The following ADGRL3 variants were observed in gnomAD, a reference collection of about 807,000 sequenced individuals.
The protein encoded by ADGRL3 is calcium-independent alpha-latrotoxin receptor 3.
A neutral mutation model predicts 153.5 loss-of-function variants in ADGRL3; 62 were observed. The ratio of observed to expected loss-of-function variants is 0.40; its 90% CI spans 0.33 to 0.50. ADGRL3 has a LOEUF of 0.50. Ranked by LOEUF, ADGRL3 falls within the 20% of genes least tolerant of loss-of-function variation. The pLI is 0.47. For synonymous variants in ADGRL3, 710 were observed against 672.5 expected (o/e 1.06, Z -0.86); for missense variants, 1,641 against 1,859.4 (o/e 0.88, Z 2.16).
intron 17 of ADGRL3, among the ~76,000 whole-genome samples, chr4:61,957,483 C>T (rs1191438988): frequency 1.3e-5 from 2 of 151,866 alleles, no homozygotes; most frequent in African/African-American, 4.8e-5. Context: ...TAAGTAATCT[C>T]TCTATATAAA....
chr4:61,571,299 A>T (rs2098837537), intron 4 of ADGRL3, among the ~76,000 whole-genome samples: 1 of 148,286 alleles, frequency 6.7e-6, no homozygotes, highest in Non-Finnish European at 1.5e-5. Flanking sequence ...ACATGACAAG[A>T]CCCTGTCTCA....
intron 1 of ADGRL3, among the ~76,000 whole-genome samples, chr4:61,369,800 A>C (rs1156964397): frequency 6.6e-6 from 1 of 152,108 alleles, no homozygotes; most frequent in Admixed American, 6.5e-5. Context: ...TTTCAGAAGG[A>C]ATGGTACCAG....
intron 25 of ADGRL3, among the ~76,000 whole-genome samples, chr4:62,056,254 G>A (rs1582090988): frequency 6.6e-6 from 1 of 151,688 alleles, no homozygotes; most frequent in East Asian, 1.9e-4. Context: ...CAATCTTAAG[G>A]TCAATTAGGT....
Position 61,235,429 on chromosome 4 carries a change from A to G in ADGRL3, c.-240+33664A>G, listed in dbSNP as rs566516181. 5.3e-5 allele frequency among the ~76,000 whole-genome samples: 8 copies of G among 152,318 alleles called. No individual in the cohort carries two copies. In the East Asian group the frequency reaches 7.7e-4, roughly 15 times the overall value. ...ATAAGCTTTACAAATTATAATGTTTATAGTTCAGAATGATACTGTAGTGTA... is the reference window on the plus strand; with the variant it reads ...ATAAGCTTTACAAATTATAATGTTTGTAGTTCAGAATGATACTGTAGTGTA... On this transcript the variant is annotated intron_variant, in intron 1 of 26. Coordinates refer to ENST00000683033, the MANE Select transcript of ADGRL3 (RefSeq NM_001387552.1).
intron 1 of ADGRL3, among the ~76,000 whole-genome samples, chr4:61,357,546 C>T (rs1028349126): frequency 4.6e-5 from 7 of 152,058 alleles, no homozygotes; most frequent in South Asian, 2.1e-4. Context: ...AATATTCCTA[C>T]GTTGGCTTCC....
intron 1 of ADGRL3, among the ~76,000 whole-genome samples, chr4:61,270,596 G>C (rs1319183721): frequency 1.3e-5 from 2 of 151,820 alleles, no homozygotes; most frequent in Non-Finnish European, 2.9e-5. Flanking sequence ...CGATACATTA[G>C]AGGAAAGAAG....
chr4:61,507,487 C>T (rs1327749908), intron 3 of ADGRL3, among the ~76,000 whole-genome samples: 1 of 152,134 alleles, frequency 6.6e-6, no homozygotes, highest in Non-Finnish European at 1.5e-5. Flanking sequence ...GACATTTGAG[C>T]CTGTTAACAT....
intron 1 of ADGRL3, among the ~76,000 whole-genome samples, chr4:61,296,249 G>A (rs887259626): frequency 2.0e-5 from 3 of 152,160 alleles, no homozygotes; most frequent in Non-Finnish European, 4.4e-5. Context: ...GTGTCGGAGT[G>A]CAGCGATGAA....
intron 1 of ADGRL3, among the ~76,000 whole-genome samples, chr4:61,278,954 C>T (rs1442584977): frequency 2.0e-5 from 3 of 152,288 alleles, no homozygotes; most frequent in Admixed American, 1.3e-4. Flanking sequence ...GGCATGCCAA[C>T]GCTTAATTCA....
intron 9 of ADGRL3, among the ~76,000 whole-genome samples, chr4:61,871,676 G>T: frequency 6.6e-6 from 1 of 152,086 alleles, no homozygotes; most frequent in Admixed American, 6.6e-5. Context: ...GTTATAAAAT[G>T]TTCTAAAATT....
intron 2 of ADGRL3, among the ~76,000 whole-genome samples, chr4:61,407,701 G>T (rs1308635600): frequency 2.6e-5 from 4 of 152,152 alleles, no homozygotes. Flanking sequence ...CAAGAGACGA[G>T]GGAGACTGCA....
At chr4:61,368,302 C>T (rs561894103) in intron 1 of ADGRL3, among the ~76,000 whole-genome samples, 10 of 152,266 alleles carry the variant, frequency 6.6e-5, no homozygotes, top group Non-Finnish European at 1.3e-4. Context: ...AGTCCTTGCC[C>T]ATGCCTATGT....
chr4:61,247,691 A>G (rs1309589892), intron 1 of ADGRL3, among the ~76,000 whole-genome samples: 1 of 152,080 alleles, frequency 6.6e-6, no homozygotes, highest in East Asian at 1.9e-4. Context: ...TGTATTCTAC[A>G]TATTTTACAT....
chr4:61,857,658 T>C (rs1213216738), intron 9 of ADGRL3, among the ~76,000 whole-genome samples: 1 of 149,008 alleles, frequency 6.7e-6, no homozygotes, highest in Non-Finnish European at 1.5e-5. Context: ...CTTCCTTCCT[T>C]CCTTCTTTCT....
intron 6 of ADGRL3, among the ~76,000 whole-genome samples, chr4:61,714,642 A>G (rs1441804075): frequency 1.3e-5 from 2 of 152,002 alleles, no homozygotes; most frequent in Admixed American, 1.3e-4. Flanking sequence ...ATTGTCCTCA[A>G]GCACTGGGGA....
At chr4:61,639,652 G>A (rs951701148) in intron 5 of ADGRL3, among the ~76,000 whole-genome samples, 2 of 152,102 alleles carry the variant, frequency 1.3e-5, no homozygotes, top group Non-Finnish European at 2.9e-5. Context: ...CTTTACTGAA[G>A]CAACTGTATA....
At chr4:61,753,502 A>G (rs76732814) in intron 8 of ADGRL3, among the ~76,000 whole-genome samples, 13,213 of 152,208 alleles carry the variant, frequency 0.087, 1,215 homozygotes, top group African/African-American at 0.23. Flanking sequence ...TATTCCTAAC[A>G]AGAACCTGAG....
intron 2 of ADGRL3, among the ~76,000 whole-genome samples, chr4:61,434,864 C>A (rs1384554631): frequency 2.6e-5 from 4 of 151,994 alleles, no homozygotes; most frequent in Non-Finnish European, 5.9e-5. Flanking sequence ...TAAAGATGTA[C>A]ATCTCATCTC....
chr4:61,972,214 A>G (rs1305376369), intron 17 of ADGRL3, among the ~76,000 whole-genome samples: 8 of 152,094 alleles, frequency 5.3e-5, no homozygotes, highest in Non-Finnish European at 1.2e-4. Flanking sequence ...TTGGTGTTTT[A>G]GACATGAAGT....
Sources: gnomAD v4.1 joint callset for allele counts (sites outside exome capture counted in the v4.1 genomes callset) on GRCh38, gnomAD v4.1.1 for gene constraint, MANE v1.5 for transcripts, NCBI Gene and HGNC (gene_info 2026-07-23, HGNC 2026-07-21) for gene names.